Variants in LRRTM4 observed in about 807,000 individuals in gnomAD.
LRRTM4 encodes the protein leucine rich repeat transmembrane neuronal 4, also known as leucine-rich repeat transmembrane neuronal protein 4.
LRRTM4 carries 25 observed loss-of-function variants against 47.6 expected under a neutral mutation model. That is an observed-to-expected ratio of 0.53 (90% confidence interval 0.38 to 0.73). LRRTM4 has a LOEUF of 0.73. LRRTM4 is among the 30% of genes least tolerant of loss of function. The probability of loss-of-function intolerance (pLI) is 0.00; values close to 1 mark genes in which losing one functional copy is unlikely to be tolerated. For missense variants in LRRTM4, 638 were observed against 713.4 expected (o/e 0.89, Z 1.20); for synonymous variants, 311 against 269.5 (o/e 1.15, Z -1.51).
chr2:76,957,214 C>G (rs1299785775), intron 3 of LRRTM4, among the ~76,000 whole-genome samples: 1 of 151,620 alleles, frequency 6.6e-6, no homozygotes, highest in Non-Finnish European at 1.5e-5. Context: ...AGTGGTCAAA[C>G]TCTTAGAACC....
intron 3 of LRRTM4, among the ~76,000 whole-genome samples, chr2:77,042,789 G>C (rs566870448): frequency 6.6e-6 from 1 of 151,840 alleles, no homozygotes; most frequent in South Asian, 2.1e-4. Flanking sequence ...AAAAGCACTT[G>C]TAACTTCAGG....
intron 3 of LRRTM4, among the ~76,000 whole-genome samples, chr2:76,810,016 C>T (rs895865237): frequency 1.4e-4 from 21 of 152,306 alleles, no homozygotes; most frequent in East Asian, 7.7e-4. Context: ...TACATTTCTT[C>T]ATAGCATGTA....
intron 3 of LRRTM4, among the ~76,000 whole-genome samples, chr2:77,146,601 T>C (rs1284991083): frequency 6.6e-6 from 1 of 152,204 alleles, no homozygotes; most frequent in African/African-American, 2.4e-5. Context: ...ATTTTCTTTT[T>C]TCATTGTTGC....
chr2:76,979,296 A>T (rs1297709264), intron 3 of LRRTM4, among the ~76,000 whole-genome samples: 1 of 151,926 alleles, frequency 6.6e-6, no homozygotes, highest in Non-Finnish European at 1.5e-5. Context: ...ATTTCACCTC[A>T]CTTCTGCCTG....
intron 3 of LRRTM4, among the ~76,000 whole-genome samples, chr2:77,278,529 A>C (rs1416226886): frequency 2.0e-5 from 3 of 152,062 alleles, no homozygotes; most frequent in East Asian, 1.9e-4. Context: ...GGTGGTCTTC[A>C]CATCAATTGA....
At chr2:76,770,961 T>G (rs930182974) in intron 3 of LRRTM4, among the ~76,000 whole-genome samples, 6 of 152,202 alleles carry the variant, frequency 3.9e-5, no homozygotes, top group Admixed American at 3.3e-4. Flanking sequence ...ATGCTCCTCA[T>G]TTATACAATC....
chr2:76,983,858 A>T (rs1461075463), intron 3 of LRRTM4, among the ~76,000 whole-genome samples: 2 of 152,096 alleles, frequency 1.3e-5, no homozygotes, highest in African/African-American at 2.4e-5. Flanking sequence ...GTTTAGAGAC[A>T]AACAGCTAAT....
chr2:76,922,859 G>A (rs769246804), intron 3 of LRRTM4, among the ~76,000 whole-genome samples: 3 of 151,998 alleles, frequency 2.0e-5, no homozygotes, highest in Non-Finnish European at 4.4e-5. Flanking sequence ...GCAGAGACAA[G>A]GCTAGATTGA....
chr2:77,373,500 T>C (rs1162925222), intron 3 of LRRTM4, among the ~76,000 whole-genome samples: 1 of 151,728 alleles, frequency 6.6e-6, no homozygotes. Flanking sequence ...ACCTTCATTT[T>C]TTTACCTTTT....
chr2:77,297,986 C>G (rs1677019430), intron 3 of LRRTM4, among the ~76,000 whole-genome samples: 1 of 152,130 alleles, frequency 6.6e-6, no homozygotes, highest in Admixed American at 6.5e-5. Flanking sequence ...AAATCATAAA[C>G]AGCACCTTTT....
intron 3 of LRRTM4, among the ~76,000 whole-genome samples, chr2:77,219,684 A>T (rs1674562830): frequency 6.6e-6 from 1 of 152,202 alleles, no homozygotes; most frequent in Admixed American, 6.5e-5. Flanking sequence ...TTGGCAGAAA[A>T]GAACCTGAGG....
At chr2:77,339,473 G>C (rs1324301017) in intron 3 of LRRTM4, among the ~76,000 whole-genome samples, 1 of 151,840 alleles carries the variant, frequency 6.6e-6, no homozygotes, top group Non-Finnish European at 1.5e-5. Context: ...ATTTAAATTA[G>C]TACTGGCATG....
At chr2:76,806,043 T>G (rs1675949363) in intron 3 of LRRTM4, among the ~76,000 whole-genome samples, 1 of 152,142 alleles carries the variant, frequency 6.6e-6, no homozygotes, top group African/African-American at 2.4e-5. Context: ...CTATTACAGC[T>G]ACAATCAACG....
At chr2:77,485,333 A>C (rs1405340282) in intron 3 of LRRTM4, among the ~76,000 whole-genome samples, 1 of 152,190 alleles carries the variant, frequency 6.6e-6, no homozygotes, top group Non-Finnish European at 1.5e-5. Flanking sequence ...GGAAAACTGA[A>C]GATAAAATTT....
intron 3 of LRRTM4, among the ~76,000 whole-genome samples, chr2:76,798,287 T>C (rs991540385): frequency 1.3e-5 from 2 of 151,976 alleles, no homozygotes; most frequent in Admixed American, 6.6e-5. Context: ...GAACTCAGGA[T>C]TAAGAATCTC....
intron 3 of LRRTM4, among the ~76,000 whole-genome samples, chr2:76,831,383 G>C (rs1671348130): frequency 6.6e-6 from 1 of 151,958 alleles, no homozygotes; most frequent in African/African-American, 2.4e-5. Context: ...ATGTCTCCAT[G>C]GACATCATAT....
intron 3 of LRRTM4, among the ~76,000 whole-genome samples, chr2:76,881,625 A>C (rs1304456145): frequency 6.6e-6 from 1 of 152,044 alleles, no homozygotes; most frequent in Non-Finnish European, 1.5e-5. Flanking sequence ...TTAGGAAAAA[A>C]AACTGAACTA....
chr2:77,373,934 G>A (rs1018168330), intron 3 of LRRTM4, among the ~76,000 whole-genome samples: 8 of 151,688 alleles, frequency 5.3e-5, no homozygotes, highest in Admixed American at 4.6e-4. Context: ...ATCATATAGT[G>A]GAAAATGAAA....
intron 3 of LRRTM4, among the ~76,000 whole-genome samples, chr2:76,896,316 A>C (rs1183542645): frequency 6.6e-6 from 1 of 152,000 alleles, no homozygotes; most frequent in Non-Finnish European, 1.5e-5. Context: ...AAACACTCAA[A>C]CTGTGCAATC....
Sources: allele counts gnomAD v4.1 joint callset (sites outside exome capture counted in the v4.1 genomes callset), GRCh38; gene constraint gnomAD v4.1.1; transcripts MANE v1.5; gene names NCBI Gene and HGNC (gene_info 2026-07-23, HGNC 2026-07-21).